KRT7: variants seen among roughly 807,000 people sequenced by gnomAD.
The protein encoded by KRT7 is keratin 7.
KRT7 carries 50 observed loss-of-function variants against 42.8 expected under a neutral mutation model. The observed-to-expected ratio is 1.17, with a 90% CI of 0.93 to 1.48. The LOEUF (loss-of-function observed/expected upper bound fraction) is 1.48, where lower values mean the gene tolerates loss of function less well. Ranked by LOEUF, KRT7 falls within the 40% of genes most tolerant of loss-of-function variation. The pLI, the probability that KRT7 is intolerant of heterozygous loss-of-function variation, is 0.00. For missense variants in KRT7, 588 were observed against 637.6 expected (o/e 0.92, Z 0.84); for synonymous variants, 268 against 266.3 (o/e 1.01, Z -0.06).
intron 1 of KRT7, among the ~76,000 whole-genome samples, chr12:52,234,501 C>T (rs1156912460): frequency 3.3e-5 from 5 of 152,106 alleles, no homozygotes; most frequent in Admixed American, 2.0e-4. Flanking sequence ...TCACCCAGAC[C>T]GGTCTTTTAG....
chr12:52,237,363 T>C (rs1301703964), intron 2 of KRT7, 146 bp from the exon 3 acceptor site: 12 of 543,584 alleles, frequency 2.2e-5, no homozygotes, highest in Non-Finnish European at 3.9e-5. Flanking sequence ...GGAAATTTGG[T>C]TTTGTAGCTG....
intron 4 of KRT7, among the ~76,000 whole-genome samples, chr12:52,240,757 A>G (rs1438956860): frequency 6.6e-6 from 1 of 152,216 alleles, no homozygotes; most frequent in Non-Finnish European, 1.5e-5. Context: ...TTCAATAAAA[A>G]TAGCATCATG....
Position 52,241,212 on chromosome 12 carries a change from G to C in KRT7, c.694-260G>C, listed in dbSNP as rs941245547. Among the ~76,000 whole-genome samples the C allele has an allele frequency of 1.1e-4, 16 of 152,200 alleles. No individual in the cohort carries two copies. In the South Asian group the frequency reaches 3.1e-3, roughly 30 times the overall value. On this transcript the variant is annotated intron_variant, in intron 4 of 8. Transcript: ENST00000331817. ...CCTCACAGTGAGAAGTCACCACAGC[G>C]CACCACACTGTCCCTTTCCTTATCC...
rs11558306 is a variant in KRT7 at position 52,235,257 on chromosome 12, G to A, written c.427G>A (p.Ala143Thr). 1.3e-5 allele frequency: 21 copies of A among 1,614,068 alleles called. No homozygotes were observed. The highest frequency in any genetic ancestry group is 1.7e-5 in the Non-Finnish European group (20 of 1,180,024). Residue 143 changes from alanine (A) to threonine (T), a missense_variant, in exon 2 of 9, where the codon GCC becomes ACC. By Grantham distance (58) the Ala-to-Thr change is moderately conservative. Transcript: ENST00000331817. The part of the protein sequence containing the change: ...KSSRLPDIFE[A>T]QIAGLRGQLE... ...CAGCCGCCTCCCAGACATCTTTGAG[G>A]CCCAGATTGCTGGCCTTCGGGGTCA...
downstream of KRT7, among the ~76,000 whole-genome samples, chr12:52,255,629 T>A (rs1209926131): frequency 6.6e-6 from 1 of 152,204 alleles, no homozygotes; most frequent in East Asian, 1.9e-4. Context: ...ATTCCTGATG[T>A]GGGTCAGGGT....
chr12:52,254,496 G>A, downstream of KRT7: 1 of 423,626 alleles, frequency 2.4e-6, no homozygotes, highest in South Asian at 2.0e-5. Context: ...GCTCATCCCA[G>A]TGCCTGGTAT....
At chr12:52,246,006 G>T in intron 7 of KRT7, 1 of 238,070 alleles carries the variant, frequency 4.2e-6, no homozygotes. Context: ...AATAGGGCCA[G>T]AGTGCAGTCA....
rs1467200397 is a variant in KRT7, at chr12:52,241,729, G to C, written c.858+93G>C. 1.2e-5 allele frequency: 14 copies of C among 1,162,908 alleles called. No homozygotes were observed. The East Asian group carries it at 3.4e-4, about 28-fold the overall frequency. The allele number at this position is 1,162,908 out of a possible 1,614,324, so 72.0% of individuals were successfully genotyped here. ...ACTTGTCTCAAGCCTTCAGGGCCTG[G>C]GTCCCACTGTTCTGGCAGGCACCAG... On this transcript the variant is annotated intron_variant, in intron 5 of 8. Coordinates refer to ENST00000331817, the MANE Select transcript of KRT7 (RefSeq NM_005556.4).
At chr12:52,244,636 C>T in intron 6 of KRT7, 1 of 985,930 alleles carries the variant, frequency 1.0e-6, no homozygotes, top group Non-Finnish European at 1.2e-6. Flanking sequence ...AAGTCCTTGC[C>T]CAGGGGACAG....
chr12:52,243,011 G>A lies in KRT7; in HGVS notation c.859-1G>A. Reference sequence around the variant, plus strand: ...CATAACTCTCTGTATGGCCCCTCCAGTTTGAGACCCTCCAGGCCCAGGCTG... The same window carrying A: ...CATAACTCTCTGTATGGCCCCTCCAATTTGAGACCCTCCAGGCCCAGGCTG... On this transcript the variant is annotated splice_acceptor_variant, in intron 5 of 8. Coordinates refer to ENST00000331817, the MANE Select transcript of KRT7 (RefSeq NM_005556.4). LOFTEE classifies it high-confidence loss of function. 6.2e-7 allele frequency: 1 copy of A among 1,612,090 alleles called. No individual in the cohort carries two copies. Among genetic ancestry groups the A allele is most frequent in the Non-Finnish European group, 8.5e-7 (1 of 1,178,942 alleles).
At chr12:52,255,721 G>T (rs1473135589), downstream of KRT7, among the ~76,000 whole-genome samples, 7 of 152,124 alleles carry the variant, frequency 4.6e-5, no homozygotes, top group Non-Finnish European at 8.8e-5. Flanking sequence ...CCCAGTTCTG[G>T]TACCTCTCCT....
intron 4 of KRT7, among the ~76,000 whole-genome samples, chr12:52,240,343 T>C (rs1418645585): frequency 2.0e-5 from 3 of 152,220 alleles, no homozygotes; most frequent in African/African-American, 2.4e-5. Flanking sequence ...GAAAATGGAT[T>C]ACTTGGCCAG....
In KRT7 at chr12:52,243,019, C is replaced by A; in HGVS notation, c.866C>A (p.Thr289Asn). The change falls in exon 6 of 9, where the codon ACC (threonine) becomes AAC (asparagine). Residue 289 changes from threonine (T) to asparagine (N), a missense_variant. Thr to Asn is a moderately conservative substitution (Grantham distance 65). Coordinates refer to ENST00000331817, the MANE Select transcript of KRT7 (RefSeq NM_005556.4). ...TCTGTATGGCCCCTCCAGTTTGAGACCCTCCAGGCCCAGGCTGGGAAGCAT... is the reference window on the plus strand; with the variant it reads ...TCTGTATGGCCCCTCCAGTTTGAGAACCTCCAGGCCCAGGCTGGGAAGCAT... ...AEAWYQTKFE[T>N]LQAQAGKHGD... 1 of 1,612,582 alleles carries A rather than the reference C, an allele frequency of 6.2e-7. No homozygotes were observed. The highest frequency in any genetic ancestry group is 1.7e-5 in the Admixed American group (1 of 59,856).
chr12:52,235,349 G>A lies in KRT7; in HGVS notation c.519G>A (p.Val173=). The A allele has an allele frequency of 1.9e-6, 3 of 1,611,348 alleles. No homozygotes were observed. The highest frequency in any genetic ancestry group is 3.3e-5 in the Admixed American group (2 of 59,964). The part of the protein sequence containing the change: ...EAELRSMQDV[V]EDFKNKYEDE... ...AGCTGCGGAGCATGCAGGATGTGGT[G>A]GAGGACTTCAAGAATAAGTAATGCC... is the stretch of plus-strand genomic sequence containing the variant. Residue 173 remains valine (V), a synonymous_variant, in exon 2 of 9, where the codon GTG becomes GTA. Transcript: ENST00000331817.
downstream of KRT7, chr12:52,252,479 G>C (rs746888839): frequency 6.2e-7 from 1 of 1,613,948 alleles, no homozygotes; most frequent in Non-Finnish European, 8.5e-7. Flanking sequence ...CCAGCTTGGA[G>C]TTCTGGGAGG....
intron 7 of KRT7, among the ~76,000 whole-genome samples, chr12:52,246,869 T>C (rs1679932333): frequency 6.6e-6 from 1 of 152,024 alleles, no homozygotes; most frequent in South Asian, 2.1e-4. Flanking sequence ...ACTCTTAGAG[T>C]GGTACCTGAT....
intron 4 of KRT7, among the ~76,000 whole-genome samples, chr12:52,239,556 G>GTCAATCAGGAT (rs1942056862): frequency 6.6e-6 from 1 of 152,164 alleles, no homozygotes; most frequent in South Asian, 2.1e-4. Flanking sequence ...GTGGGGGTGA[G>GTCAATCAGGAT]TCAATCAGGA....
chr12:52,236,857 TGGGAGCTATGGGAG>T (rs1200671548), intron 2 of KRT7, among the ~76,000 whole-genome samples: 2 of 152,180 alleles, frequency 1.3e-5, no homozygotes, highest in African/African-American at 2.4e-5. Context: ...GGAAGAGTGA[TGGGAGCTATGGGAG>T]GAAGGATGGG....
rs758952269 is a variant in KRT7 at position 52,233,420 on chromosome 12, C to G, written c.124C>G (p.Leu42Val). The G allele has an allele frequency of 6.4e-7, 1 of 1,554,822 alleles. No individual in the cohort carries two copies. The change falls in exon 1 of 9, where the codon CTC becomes GTC. Residue 42 changes from leucine (L) to valine (V), a missense_variant. Coordinates refer to ENST00000331817, the MANE Select transcript of KRT7 (RefSeq NM_005556.4). ...CCTTGGCAGCAGCAGCCTCTACGGC[C>G]TCGGCGCCTCACGGCCGCGCGTGGC... ...GGLGSSSLYG[L>V]GASRPRVAVR...
Sources: gnomAD v4.1 joint callset for allele counts (sites outside exome capture counted in the v4.1 genomes callset) on GRCh38, gnomAD v4.1.1 for gene constraint, MANE v1.5 for transcripts, NCBI Gene and HGNC (gene_info 2026-07-23, HGNC 2026-07-21) for gene names.